Variants in ST8SIA6 observed in about 807,000 individuals in gnomAD.
ST8SIA6 encodes the protein ST8 alpha-N-acetyl-neuraminide alpha-2,8-sialyltransferase 6.
In ST8SIA6, 39 loss-of-function variants were observed where a neutral mutation model predicts 33.6. The observed-to-expected ratio is 1.16, with a 90% CI of 0.90 to 1.52. The LOEUF is 1.52. Ranked by LOEUF, ST8SIA6 falls within the 40% of genes most tolerant of loss-of-function variation. The pLI, the probability that ST8SIA6 is intolerant of heterozygous loss-of-function variation, is 0.00. For synonymous variants in ST8SIA6, 172 were observed against 167.2 expected, an observed-to-expected ratio of 1.03 and a Z score of -0.22; for missense variants, 441 against 443.8, an observed-to-expected ratio of 0.99 and a Z score of 0.06.
At chr10:17,424,946 G>A (rs893546770) in intron 2 of ST8SIA6, among the ~76,000 whole-genome samples, 3 of 151,738 alleles carry the variant, frequency 2.0e-5, no homozygotes, top group African/African-American at 7.3e-5. Flanking sequence ...TGTTGGCCAG[G>A]CTGGTCTTAA....
intron 2 of ST8SIA6, among the ~76,000 whole-genome samples, chr10:17,452,583 ACTC>A (rs924861915): frequency 4.6e-5 from 7 of 152,148 alleles, no homozygotes; most frequent in Non-Finnish European, 7.3e-5. Context: ...ACTAATCTCA[ACTC>A]CTGTCTGTCC....
chr10:17,320,603 G>T lies in ST8SIA6; in HGVS notation c.*275C>A, dbSNP rs544524007. ...ATAGTAAGAAAGAAATATTCTTTGA[G>T]TCCCTACCTCACACCAAAGGCCATG... On this transcript the variant is annotated 3_prime_UTR_variant, in exon 8 of 8. Coordinates refer to ENST00000377602, the MANE Select transcript of ST8SIA6 (RefSeq NM_001004470.3). 2.7e-5 allele frequency: 11 copies of T among 405,986 alleles called. No individual in the cohort carries two copies. The highest frequency in any genetic ancestry group is 2.2e-4 in the African/African-American group (11 of 49,534). 25.1% of individuals were successfully genotyped at this position (405,986 alleles called of 1,614,324 possible). A position where few individuals can be genotyped will look rare whatever the true frequency, so the allele number is the denominator to read the frequency against.
chr10:17,425,765 G>GAA (rs1452574615), intron 2 of ST8SIA6, among the ~76,000 whole-genome samples: 1 of 151,880 alleles, frequency 6.6e-6, no homozygotes, highest in Non-Finnish European at 1.5e-5. Flanking sequence ...GAGAAAGAAA[G>GAA]AAAGAAATGT....
intron 4 of ST8SIA6, among the ~76,000 whole-genome samples, chr10:17,334,221 A>T (rs1848429023): frequency 6.6e-6 from 1 of 151,898 alleles, no homozygotes; most frequent in Admixed American, 6.6e-5. Context: ...AAATGAGAGG[A>T]TTCATTGTAA....
intron 2 of ST8SIA6, among the ~76,000 whole-genome samples, chr10:17,435,718 G>T (rs895362815): frequency 7.1e-6 from 1 of 140,128 alleles, no homozygotes; most frequent in Admixed American, 7.2e-5. Flanking sequence ...GGGTTGGGGG[G>T]GTGGGGGGCA....
chr10:17,453,734 C>T, intron 1 of ST8SIA6, 77 bp from the exon 2 acceptor site: 2 of 1,148,650 alleles, frequency 1.7e-6, no homozygotes, highest in Non-Finnish European at 2.2e-6. Context: ...AGTCGCGCTC[C>T]TTGCCTGGCA....
rs781737491 is a variant in ST8SIA6, at chr10:17,327,054, G to A, written c.595C>T (p.Leu199Phe). ...VGNGGILNKSLCGTEIDKSDF... is the reference protein window; with the variant it reads ...VGNGGILNKSFCGTEIDKSDF... ...GATTTATCTATTTCAGTTCCACAGA[G>A]AGACTTATTCAGAATTCCCCCATTT... The change falls in exon 6 of 8, where the codon CTC becomes TTC. Residue 199 changes from leucine to phenylalanine, a missense_variant. Transcript: ENST00000377602. 2 of 1,608,938 alleles carry A rather than the reference G, an allele frequency of 1.2e-6. No individual in the cohort carries two copies. The highest frequency in any genetic ancestry group is 1.7e-5 in the Admixed American group (1 of 59,106).
At chr10:17,387,449 G>T (rs10466290) in intron 3 of ST8SIA6, among the ~76,000 whole-genome samples, 3 of 25,318 alleles carry the variant, frequency 1.2e-4, no homozygotes, top group African/African-American at 3.3e-4. Context: ...CGGTGGGGCG[G>T]GGGGGGGGGG....
intron 3 of ST8SIA6, among the ~76,000 whole-genome samples, chr10:17,365,733 A>G (rs1849537998): frequency 6.6e-6 from 1 of 152,182 alleles, no homozygotes; most frequent in Non-Finnish European, 1.5e-5. Context: ...AGATAAGGGG[A>G]ACTACTGTAT....
Position 17,327,008 on chromosome 10 carries a change from T to G in ST8SIA6, c.635+6A>C. ...GTTTCAAAGAAACCAATTTGTCAGG[T>G]CTTACCTAAAAACGAAGTCGGATTT... On this transcript the variant is annotated splice_donor_region_variant and intron_variant, in intron 6 of 7. Coordinates refer to ENST00000377602, the MANE Select transcript of ST8SIA6 (RefSeq NM_001004470.3). 6.3e-7 allele frequency: 1 copy of G among 1,588,886 alleles called. No homozygotes were observed. Among genetic ancestry groups the G allele is most frequent in the Non-Finnish European group, 8.6e-7 (1 of 1,167,988 alleles).
intron 3 of ST8SIA6, among the ~76,000 whole-genome samples, chr10:17,369,063 T>C (rs1034551431): frequency 2.0e-5 from 3 of 152,218 alleles, no homozygotes; most frequent in Non-Finnish European, 4.4e-5. Context: ...AGGTGATATG[T>C]AGTTAAAAGT....
intron 4 of ST8SIA6, among the ~76,000 whole-genome samples, chr10:17,356,707 G>A (rs1348772396): frequency 6.6e-6 from 1 of 151,966 alleles, no homozygotes; most frequent in African/African-American, 2.4e-5. Context: ...TACTTAAATT[G>A]GCCCTGAAGG....
At chr10:17,360,804 C>T (rs1849356672) in intron 3 of ST8SIA6, among the ~76,000 whole-genome samples, 1 of 151,712 alleles carries the variant, frequency 6.6e-6, no homozygotes, top group Non-Finnish European at 1.5e-5. Flanking sequence ...CAGATTTAGG[C>T]CCAACTGTGT....
At chr10:17,366,894 AG>A (rs1849576640) in intron 3 of ST8SIA6, among the ~76,000 whole-genome samples, 1 of 152,196 alleles carries the variant, frequency 6.6e-6, no homozygotes, top group African/African-American at 2.4e-5. Context: ...TAAGAGAAAG[AG>A]GGTCCAACTA....
chr10:17,397,500 G>A (rs1236219740), intron 2 of ST8SIA6, among the ~76,000 whole-genome samples: 3 of 152,244 alleles, frequency 2.0e-5, no homozygotes, highest in Non-Finnish European at 4.4e-5. Flanking sequence ...CTCCCAAAGT[G>A]CTGGGATTAC....
chr10:17,434,837 A>G (rs1852202423), intron 2 of ST8SIA6, among the ~76,000 whole-genome samples: 1 of 152,146 alleles, frequency 6.6e-6, no homozygotes, highest in South Asian at 2.1e-4. Flanking sequence ...GGCATGGTTT[A>G]TGGTTTCTCT....
At chr10:17,425,817 G>GA (rs1371054135) in intron 2 of ST8SIA6, among the ~76,000 whole-genome samples, 1 of 151,960 alleles carries the variant, frequency 6.6e-6, no homozygotes, top group Non-Finnish European at 1.5e-5. Context: ...AAATGGGAGG[G>GA]AAGCGGGAAG....
At chr10:17,322,026 C>A (rs1847966004) in intron 7 of ST8SIA6, among the ~76,000 whole-genome samples, 1 of 151,228 alleles carries the variant, frequency 6.6e-6, no homozygotes, top group Admixed American at 6.6e-5. Context: ...TCCCTTGAGC[C>A]CAGGAGTTTG....
intron 2 of ST8SIA6, among the ~76,000 whole-genome samples, chr10:17,397,233 G>C (rs10904947): frequency 5.6e-5 from 7 of 124,232 alleles, no homozygotes; most frequent in East Asian, 4.9e-4. Flanking sequence ...ATTGTTTTTT[G>C]TTTTTTTTTT....
Sources: allele counts gnomAD v4.1 joint callset (sites outside exome capture counted in the v4.1 genomes callset), GRCh38; gene constraint gnomAD v4.1.1; transcripts MANE v1.5; gene names NCBI Gene and HGNC (gene_info 2026-07-23, HGNC 2026-07-21).